HNRNPLL: variants seen among roughly 807,000 people sequenced by gnomAD.
The protein encoded by HNRNPLL is heterogeneous nuclear ribonucleoprotein L like.
A neutral mutation model predicts 67.1 loss-of-function variants in HNRNPLL; 25 were observed. That is an observed-to-expected ratio of 0.37 (90% CI 0.27 to 0.52). The LOEUF is 0.52. Ranked by LOEUF, HNRNPLL falls within the 20% of genes least tolerant of loss-of-function variation. The pLI, the probability that HNRNPLL is intolerant of heterozygous loss-of-function variation, is 0.90. For missense variants in HNRNPLL, 542 were observed against 673.9 expected (o/e 0.80, Z 2.17); for synonymous variants, 267 against 241.7 (o/e 1.10, Z -0.97).
intron 8 of HNRNPLL, 77 bp from the exon 9 acceptor site, chr2:38,570,002 C>A: frequency 1.0e-6 from 1 of 985,088 alleles, no homozygotes; most frequent in Non-Finnish European, 1.5e-6. Context: ...CACAATACGA[C>A]CTAAGTGGTT....
chr2:38,601,410 TAC>T (rs1461610860), intron 1 of HNRNPLL, among the ~76,000 whole-genome samples: 6 of 152,228 alleles, frequency 3.9e-5, no homozygotes, highest in Non-Finnish European at 8.8e-5. Context: ...GATATATGTG[TAC>T]AGTTTCGTAA....
At chr2:38,587,538 G>C (rs1010081389) in intron 2 of HNRNPLL, among the ~76,000 whole-genome samples, 3 of 152,074 alleles carry the variant, frequency 2.0e-5, no homozygotes, top group African/African-American at 7.2e-5. Context: ...ATAAATCCCA[G>C]GAGACATTCC....
intron 4 of HNRNPLL, 118 bp from the exon 5 acceptor site, chr2:38,582,286 C>A: frequency 1.4e-6 from 1 of 731,764 alleles, no homozygotes; most frequent in Non-Finnish European, 2.4e-6. Context: ...AATGTTTTAC[C>A]AATTTCAGGA....
At chr2:38,589,896 C>T (rs1322459098) in intron 2 of HNRNPLL, among the ~76,000 whole-genome samples, 1 of 152,154 alleles carries the variant, frequency 6.6e-6, no homozygotes, top group Admixed American at 6.5e-5. Flanking sequence ...CAGACACCCA[C>T]CTCTTTATAA....
intron 6 of HNRNPLL, among the ~76,000 whole-genome samples, chr2:38,579,588 A>G (rs940427660): frequency 6.6e-6 from 1 of 152,036 alleles, no homozygotes; most frequent in African/African-American, 2.4e-5. Flanking sequence ...AGCTGTGAAC[A>G]TTCTCCCCAA....
At chr2:38,599,817 C>A in intron 1 of HNRNPLL, 1 of 454,914 alleles carries the variant, frequency 2.2e-6, no homozygotes, top group Admixed American at 2.6e-5. Context: ...AAAAACCAAG[C>A]AATGTAAATC....
chr2:38,576,258 T>C (rs1666297347), intron 7 of HNRNPLL, among the ~76,000 whole-genome samples: 1 of 151,876 alleles, frequency 6.6e-6, no homozygotes, highest in South Asian at 2.1e-4. Flanking sequence ...CTGACTGCCA[T>C]GACTCTACAA....
At chr2:38,582,520 C>T (rs891933209) in intron 4 of HNRNPLL, among the ~76,000 whole-genome samples, 8 of 152,136 alleles carry the variant, frequency 5.3e-5, no homozygotes, top group Non-Finnish European at 7.3e-5. Flanking sequence ...CCATGTTGAC[C>T]AGGATTGTCT....
intron 2 of HNRNPLL, among the ~76,000 whole-genome samples, chr2:38,591,250 A>G (rs1666948218): frequency 6.6e-6 from 1 of 151,916 alleles, no homozygotes; most frequent in African/African-American, 2.4e-5. Flanking sequence ...GACTCATTTG[A>G]AAATCAGATG....
rs2148376627 is a variant in HNRNPLL at position 38,591,601 on chromosome 2, A to G, written c.237T>C (p.His79=). ...CCACAGATTCACAGAGTCCTCGAAC[A>G]TGGACGACGGGTGAAACAGAAACTT... The part of the protein sequence containing the change: ...HHKVSVSPVV[H]VRGLCESVVE... Residue 79 remains histidine, a synonymous_variant, in exon 2 of 13, where the codon CAT becomes CAC. Coordinates refer to ENST00000449105, the MANE Select transcript of HNRNPLL (RefSeq NM_138394.4). 4 of 1,613,954 alleles carry G rather than the reference A, an allele frequency of 2.5e-6. No homozygotes were observed. The highest frequency in any genetic ancestry group is 4.5e-5 in the East Asian group (2 of 44,878).
intron 6 of HNRNPLL, chr2:38,581,614 T>C: frequency 4.2e-6 from 2 of 472,792 alleles, no homozygotes; most frequent in Non-Finnish European, 7.4e-6. Context: ...ATATTCTGAA[T>C]CAGTTTCCTC....
intron 6 of HNRNPLL, chr2:38,577,772 T>C (rs1385497065): frequency 5.8e-6 from 3 of 514,800 alleles, no homozygotes; most frequent in African/African-American, 1.9e-5. Context: ...AAATGCCAAA[T>C]ACAATCACAC....
At chr2:38,573,489 T>C in intron 7 of HNRNPLL, 62 bp from the exon 8 acceptor site, 2 of 1,091,378 alleles carry the variant, frequency 1.8e-6, no homozygotes, top group Non-Finnish European at 2.7e-6. Flanking sequence ...TTGTAAATAC[T>C]TTAGTAGATA....
At chr2:38,591,457 AAGGCTTGTAAC>A in intron 2 of HNRNPLL, 62 bp downstream of exon 2, 1 of 833,026 alleles carries the variant, frequency 1.2e-6, no homozygotes, top group Non-Finnish European at 2.1e-6. Flanking sequence ...GCTAAACATC[AAGGCTTGTAAC>A]AAGCAAGCAA....
At chr2:38,599,526 T>C (rs556103151) in intron 1 of HNRNPLL, among the ~76,000 whole-genome samples, 4 of 152,298 alleles carry the variant, frequency 2.6e-5, no homozygotes, top group South Asian at 2.1e-4. Context: ...TCAAGCCTTA[T>C]TCAACAATGC....
chr2:38,579,765 T>A (rs991223230), intron 6 of HNRNPLL, among the ~76,000 whole-genome samples: 2 of 151,418 alleles, frequency 1.3e-5, no homozygotes, highest in African/African-American at 2.4e-5. Context: ...AAAAAAAAAA[T>A]GTTATGAAGG....
intron 3 of HNRNPLL, among the ~76,000 whole-genome samples, 189 bp downstream of exon 3, chr2:38,585,455 T>G (rs1257228969): frequency 6.6e-6 from 1 of 152,246 alleles, no homozygotes; most frequent in Non-Finnish European, 1.5e-5. Context: ...TTATGACAAC[T>G]GTGCTTATCT....
At position 38,577,410 on chromosome 2, in the gene HNRNPLL, G is replaced by C. The variant is rs530335211; in HGVS notation, c.874+51C>G. 15 of 1,102,736 alleles carry C rather than the reference G, an allele frequency of 1.4e-5. No individual in the cohort carries two copies. In the South Asian group the frequency reaches 1.9e-4, roughly 14 times the overall value. The allele number at this position is 1,102,736 out of a possible 1,614,324, so 68.3% of individuals were successfully genotyped here. Reference sequence around the variant, plus strand: ...TGTGCCATACTTCATCAGAAATGCAGCAAGTCAAACAGTTCATCTATACTA... The same window carrying C: ...TGTGCCATACTTCATCAGAAATGCACCAAGTCAAACAGTTCATCTATACTA... On this transcript the variant is annotated intron_variant, in intron 7 of 12. Transcript: ENST00000449105.
In HNRNPLL at chr2:38,577,332, G is replaced by C. The variant is rs1040561547; in HGVS notation, c.874+129C>G. On this transcript the variant is annotated intron_variant, in intron 7 of 12. Coordinates refer to ENST00000449105, the MANE Select transcript of HNRNPLL (RefSeq NM_138394.4). ...GACAACTCCTGGGAGTACATTACAAGGGACTGATCCCATATAAACCGAGGC... is the reference window on the plus strand; with the variant it reads ...GACAACTCCTGGGAGTACATTACAACGGACTGATCCCATATAAACCGAGGC... 6.5e-6 allele frequency: 4 copies of C among 613,052 alleles called. No individual in the cohort carries two copies. The East Asian group carries it at 8.5e-5, about 13-fold the overall frequency. 38.0% of individuals were successfully genotyped at this position (613,052 alleles called of 1,614,324 possible). A position where few individuals can be genotyped will look rare whatever the true frequency, so the allele number is the denominator to read the frequency against.
Sources: allele counts gnomAD v4.1 joint callset (sites outside exome capture counted in the v4.1 genomes callset), GRCh38; gene constraint gnomAD v4.1.1; transcripts MANE v1.5; gene names NCBI Gene and HGNC (gene_info 2026-07-23, HGNC 2026-07-21).